The following PRELID2 variants were observed in gnomAD, a reference collection of about 807,000 sequenced individuals.
The protein encoded by PRELID2 is PRELI domain-containing protein 2.
A neutral mutation model predicts 28.4 loss-of-function variants in PRELID2; 25 were observed. That is an observed-to-expected ratio of 0.88 (90% CI 0.64 to 1.23). PRELID2 has a LOEUF of 1.23. PRELID2 is among the 50% of genes most tolerant of loss of function. The pLI is 0.00. For synonymous variants in PRELID2, 76 were observed against 71.6 expected (o/e 1.06, Z -0.31); for missense variants, 201 against 214.4 (o/e 0.94, Z 0.39).
chr5:145,343,006 C>T, the PRELID2 span, among the ~76,000 whole-genome samples: 1 of 150,960 alleles, frequency 6.6e-6, no homozygotes, highest in African/African-American at 2.4e-5. Flanking sequence ...CACTAGAATA[C>T]CTAGATTTAT....
the PRELID2 span, among the ~76,000 whole-genome samples, chr5:145,432,938 A>G: frequency 1.3e-5 from 2 of 152,184 alleles, no homozygotes; most frequent in Non-Finnish European, 2.9e-5. Flanking sequence ...GGCATCTTCA[A>G]TTGGTAGCCT....
At chr5:145,729,230 T>C in intron 1 of PRELID2, 1 of 899,320 alleles carries the variant, frequency 1.1e-6, no homozygotes, top group Admixed American at 1.8e-5. Context: ...CCCTGAATCT[T>C]ACAATGAATG....
At chr5:145,300,147 T>G in the PRELID2 span, among the ~76,000 whole-genome samples, 2 of 152,282 alleles carry the variant, frequency 1.3e-5, no homozygotes, top group African/African-American at 4.8e-5. Flanking sequence ...AAATGCCATC[T>G]TTGACCAGTT....
chr5:145,372,447 G>T, the PRELID2 span, among the ~76,000 whole-genome samples: 1 of 152,028 alleles, frequency 6.6e-6, no homozygotes, highest in Non-Finnish European at 1.5e-5. Context: ...ACAGTGGGGT[G>T]TTAAAATCTC....
chr5:145,397,444 A>G, the PRELID2 span, among the ~76,000 whole-genome samples: 1 of 152,126 alleles, frequency 6.6e-6, no homozygotes, highest in African/African-American at 2.4e-5. Flanking sequence ...CTCATTTATC[A>G]TGTGTCTAGG....
At chr5:145,522,034 G>T (rs903921341) in intron 1 of PRELID2, among the ~76,000 whole-genome samples, 23 of 152,064 alleles carry the variant, frequency 1.5e-4, no homozygotes, top group African/African-American at 5.3e-4. Flanking sequence ...CATTTGTTGA[G>T]AAATTTTAAA....
At chr5:145,369,979 G>A in the PRELID2 span, among the ~76,000 whole-genome samples, 21 of 148,618 alleles carry the variant, frequency 1.4e-4, no homozygotes, top group Non-Finnish European at 3.0e-4. Context: ...TTGTAAATTT[G>A]TTTTCTTGTA....
At chr5:145,673,263 C>A (rs982872970) in intron 1 of PRELID2, among the ~76,000 whole-genome samples, 3 of 152,134 alleles carry the variant, frequency 2.0e-5, no homozygotes, top group Non-Finnish European at 4.4e-5. Flanking sequence ...TAGGTATTAA[C>A]TGCAGCAAAA....
chr5:145,262,617 C>A, the PRELID2 span, among the ~76,000 whole-genome samples: 1 of 151,872 alleles, frequency 6.6e-6, no homozygotes, highest in Non-Finnish European at 1.5e-5. Flanking sequence ...AAGAGACAGC[C>A]TTTTCCAGAC....
the PRELID2 span, among the ~76,000 whole-genome samples, chr5:145,262,070 A>G: frequency 6.6e-6 from 1 of 152,216 alleles, no homozygotes; most frequent in Non-Finnish European, 1.5e-5. Context: ...TCTCAGCAAT[A>G]GAATCAAACA....
At chr5:145,280,230 A>AT in the PRELID2 span, among the ~76,000 whole-genome samples, 2 of 152,170 alleles carry the variant, frequency 1.3e-5, no homozygotes, top group Non-Finnish European at 2.9e-5. Flanking sequence ...GGGAATTGTT[A>AT]TAAAAACCTC....
chr5:145,382,190 G>C, the PRELID2 span, among the ~76,000 whole-genome samples: 2 of 151,894 alleles, frequency 1.3e-5, no homozygotes, highest in African/African-American at 4.8e-5. Flanking sequence ...CTTGAAGACA[G>C]AGCAATAAAA....
chr5:145,765,005 A>G lies in PRELID2; in HGVS notation c.475-5T>C. On this transcript the variant is annotated splice_region_variant and splice_polypyrimidine_tract_variant and intron_variant, in intron 5 of 6. Coordinates refer to ENST00000683046, the MANE Select transcript of PRELID2 (RefSeq NM_205846.3). Reference sequence around the variant, plus strand: ...CATCTCCATGATTCTAATTCCCTATAGAAAGAAGGAAAAAAAATTAAAATG... The same window carrying G: ...CATCTCCATGATTCTAATTCCCTATGGAAAGAAGGAAAAAAAATTAAAATG... The G allele has an allele frequency of 1.9e-6, 3 of 1,590,812 alleles. No homozygotes were observed. Among genetic ancestry groups the G allele is most frequent in the South Asian group, 1.1e-5 (1 of 87,546 alleles).
At chr5:145,472,779 C>T (rs1580950000) in intron 2 of PRELID2, among the ~76,000 whole-genome samples, 1 of 152,102 alleles carries the variant, frequency 6.6e-6, no homozygotes, top group African/African-American at 2.4e-5. Flanking sequence ...GATATAAGAA[C>T]CCAGGTGTAA....
At chr5:145,372,987 T>A in the PRELID2 span, among the ~76,000 whole-genome samples, 3 of 101,858 alleles carry the variant, frequency 2.9e-5, no homozygotes, top group African/African-American at 4.1e-5. Flanking sequence ...TATATGATAT[T>A]ATATATTACA....
intron 1 of PRELID2, chr5:145,704,065 G>A (rs1446949174): frequency 6.6e-6 from 1 of 152,168 alleles, no homozygotes; most frequent in Non-Finnish European, 1.5e-5. Context: ...TTCTGGATGT[G>A]AGCTCACTGG....
intron 3 of PRELID2, 109 bp from the exon 4 acceptor site, chr5:145,818,163 T>C: frequency 1.8e-6 from 2 of 1,123,840 alleles, no homozygotes; most frequent in South Asian, 1.5e-5. Flanking sequence ...CAAGTAATCC[T>C]GATACATGGA....
chr5:145,691,428 G>C (rs1362612469), intron 1 of PRELID2, among the ~76,000 whole-genome samples: 10 of 152,098 alleles, frequency 6.6e-5, no homozygotes, highest in Non-Finnish European at 1.3e-4. Context: ...AGACTCGGCC[G>C]GGCGTGGTGG....
chr5:145,288,080 T>A, the PRELID2 span, among the ~76,000 whole-genome samples: 2 of 152,140 alleles, frequency 1.3e-5, no homozygotes, highest in Non-Finnish European at 2.9e-5. Context: ...GACTTGTCTA[T>A]ATGAATGTTA....
Sources: gnomAD v4.1 joint callset for allele counts (sites outside exome capture counted in the v4.1 genomes callset) on GRCh38, gnomAD v4.1.1 for gene constraint, MANE v1.5 for transcripts, NCBI Gene and HGNC (gene_info 2026-07-23, HGNC 2026-07-21) for gene names.